Variants in ARHGAP35 observed in about 807,000 individuals in gnomAD.
ARHGAP35 encodes Rho GTPase activating protein 35.
Under a neutral mutation model 111.1 loss-of-function variants are expected in ARHGAP35, and 15 were observed. The ratio of observed to expected loss-of-function variants is 0.13; its 90% CI spans 0.09 to 0.21. ARHGAP35 has a LOEUF of 0.21. ARHGAP35 is among the 10% of genes least tolerant of loss of function. The pLI is 1.00. For missense variants in ARHGAP35, 1,262 were observed against 1,873.0 expected (o/e 0.67, Z 6.02); for synonymous variants, 643 against 710.3 (o/e 0.91, Z 1.51).
At chr19:46,954,619 G>C (rs1265855099) in intron 3 of ARHGAP35, among the ~76,000 whole-genome samples, 6 of 152,214 alleles carry the variant, frequency 3.9e-5, no homozygotes, top group Non-Finnish European at 8.8e-5. Flanking sequence ...AACAAAGATG[G>C]TGCAAGGCCT....
intron 3 of ARHGAP35, chr19:46,947,876 A>G (rs748339643): frequency 6.6e-6 from 1 of 152,186 alleles, no homozygotes; most frequent in African/African-American, 2.4e-5. Flanking sequence ...ACTTGCTTAT[A>G]TTTACTGGTT....
At chr19:46,871,076 T>C (rs1047613311) in intron 1 of ARHGAP35, among the ~76,000 whole-genome samples, 5 of 152,250 alleles carry the variant, frequency 3.3e-5, no homozygotes, top group African/African-American at 1.2e-4. Context: ...TTTCTAACTT[T>C]ACCCATCTGG....
intron 1 of ARHGAP35, among the ~76,000 whole-genome samples, chr19:46,865,094 A>G (rs561301683): frequency 6.6e-6 from 1 of 152,334 alleles, no homozygotes; most frequent in East Asian, 1.9e-4. Context: ...AGGCTAGCAG[A>G]GGCCCTAACT....
chr19:46,892,319 A>G (rs890657658), intron 1 of ARHGAP35, among the ~76,000 whole-genome samples: 1 of 146,316 alleles, frequency 6.8e-6, no homozygotes, highest in East Asian at 2.0e-4. Context: ...AAAAAAAAGA[A>G]AAAAAAAAAG....
intron 3 of ARHGAP35, among the ~76,000 whole-genome samples, chr19:46,984,228 C>G (rs1397923187): frequency 6.6e-6 from 1 of 152,120 alleles, no homozygotes; most frequent in Non-Finnish European, 1.5e-5. Flanking sequence ...GACTTGGGAG[C>G]CTGCAGTAGA....
chr19:46,959,941 A>AT lies in ARHGAP35; in HGVS notation c.3826+22533_3826+22534insT, dbSNP rs1568480058. ...AGCAAGACCTTGCCTCTACAAAAAA[A>AT]ATTTTTTTTTTTTTTTTAGTTAGCC... On this transcript the variant is annotated intron_variant, in intron 3 of 6. Coordinates refer to ENST00000672722, the MANE Select transcript of ARHGAP35 (RefSeq NM_004491.5). Among the ~76,000 whole-genome samples, 162 of 149,712 alleles carry AT rather than the reference A, an allele frequency of 1.1e-3. 1 individual carries two copies. Among genetic ancestry groups the AT allele is most frequent in the African/African-American group, 3.4e-3 (138 of 40,844 alleles).
At chr19:46,903,452 A>T (rs2056091321) in intron 1 of ARHGAP35, among the ~76,000 whole-genome samples, 1 of 152,150 alleles carries the variant, frequency 6.6e-6, no homozygotes, top group Non-Finnish European at 1.5e-5. Context: ...GGAGGGAACC[A>T]CTCAGTGGGT....
rs1029166106 is a variant in ARHGAP35, at chr19:46,920,293, C to T, written c.1618C>T (p.Arg540Cys). The part of the protein sequence containing the change: ...FKALQKLQAE[R>C]DALILKHIHF... Reference sequence around the variant, plus strand: ...AGCATTACAAAAGCTCCAAGCAGAGCGTGATGCCCTTATTCTGAAACACAT... The same window carrying T: ...AGCATTACAAAAGCTCCAAGCAGAGTGTGATGCCCTTATTCTGAAACACAT... The change falls in exon 2 of 7, where the codon CGT (arginine) becomes TGT (cysteine). Residue 540 changes from arginine to cysteine, a missense_variant. By Grantham distance (180) the Arg-to-Cys change is radical. Coordinates refer to ENST00000672722, the MANE Select transcript of ARHGAP35 (RefSeq NM_004491.5). The surrounding 1 kb of genome is among the most constrained non-coding windows in gnomAD (Gnocchi z 7.0). 1.2e-6 allele frequency: 2 copies of T among 1,613,988 alleles called. No homozygotes were observed. Among genetic ancestry groups the T allele is most frequent in the Non-Finnish European group, 1.7e-6 (2 of 1,179,898 alleles).
chr19:46,879,352 G>C (rs542036152), intron 1 of ARHGAP35, among the ~76,000 whole-genome samples: 36 of 152,166 alleles, frequency 2.4e-4, no homozygotes, highest in African/African-American at 8.4e-4. Flanking sequence ...ACTTAGGGAG[G>C]CCAAGGCAGG....
chr19:46,867,249 C>T (rs1230233413), intron 1 of ARHGAP35, among the ~76,000 whole-genome samples: 4 of 152,158 alleles, frequency 2.6e-5, no homozygotes, highest in East Asian at 1.9e-4. Context: ...TTTATTGAAA[C>T]GAACATTTTC....
At chr19:46,861,409 C>T (rs1196589632) in intron 1 of ARHGAP35, among the ~76,000 whole-genome samples, 200 bp downstream of exon 1, 2 of 140,772 alleles carry the variant, frequency 1.4e-5, no homozygotes, top group East Asian at 2.3e-4. Flanking sequence ...GCCCGTGGGG[C>T]CCTCCTGCCC....
intron 3 of ARHGAP35, among the ~76,000 whole-genome samples, chr19:46,939,003 C>T (rs1328379879): frequency 6.6e-6 from 1 of 152,038 alleles, no homozygotes; most frequent in Non-Finnish European, 1.5e-5. Flanking sequence ...GTATTTATTT[C>T]CTAGGTTTTC....
In ARHGAP35 at chr19:46,920,425, C is replaced by A; in HGVS notation, c.1750C>A (p.Arg584=). ...ISSRFIRPSD[R]NQKNSLSDPN... ...TTCTCGGTTTATCCGGCCGTCTGAC[C>A]GGAATCAGAAAAATTCACTCTCTGA... The change falls in exon 2 of 7, where the codon CGG becomes AGG. Residue 584 remains arginine (R), a synonymous_variant. Coordinates refer to ENST00000672722, the MANE Select transcript of ARHGAP35 (RefSeq NM_004491.5). The surrounding 1 kb of genome is among the most constrained non-coding windows in gnomAD (Gnocchi z 7.0). The A allele has an allele frequency of 6.2e-7, 1 of 1,613,678 alleles. No homozygotes were observed.
At position 46,999,102 on chromosome 19, in the gene ARHGAP35, G is replaced by A; in HGVS notation, c.4037-202G>A. 1 of 569,016 alleles carries A rather than the reference G, an allele frequency of 1.8e-6. No individual in the cohort carries two copies. The highest frequency in any genetic ancestry group is 1.9e-5 in the African/African-American group (1 of 53,570). 35.2% of individuals were successfully genotyped at this position (569,016 alleles called of 1,614,324 possible). On this transcript the variant is annotated intron_variant, in intron 5 of 6. Transcript: ENST00000672722. This position sits in a 1 kb window ranked among gnomAD's most constrained non-coding sequence, Gnocchi z 5.4. Reference sequence around the variant, plus strand: ...GTGCCGCCCTTCAGCGGGGGCCTGGGACACAGAGGTGGGCCAGACCCCTGG... The same window carrying A: ...GTGCCGCCCTTCAGCGGGGGCCTGGAACACAGAGGTGGGCCAGACCCCTGG...
At chr19:46,886,631 T>G (rs2122144048) in intron 1 of ARHGAP35, among the ~76,000 whole-genome samples, 1 of 152,220 alleles carries the variant, frequency 6.6e-6, no homozygotes, top group East Asian at 1.9e-4. Flanking sequence ...TTACTCAAGG[T>G]TGTTGTAGAT....
chr19:46,904,333 T>C (rs551763267), intron 1 of ARHGAP35, among the ~76,000 whole-genome samples: 5 of 152,214 alleles, frequency 3.3e-5, no homozygotes, highest in Non-Finnish European at 7.3e-5. Context: ...GAAGTTTTCT[T>C]AGTTGTTCAT....
At chr19:46,865,076 T>C (rs1054867114) in intron 1 of ARHGAP35, among the ~76,000 whole-genome samples, 2 of 152,214 alleles carry the variant, frequency 1.3e-5, no homozygotes, top group African/African-American at 4.8e-5. Flanking sequence ...GACTGTCAGA[T>C]TTCTCTGAGG....
At chr19:46,957,151 C>T (rs1462118893) in intron 3 of ARHGAP35, among the ~76,000 whole-genome samples, 3 of 151,758 alleles carry the variant, frequency 2.0e-5, no homozygotes, top group Non-Finnish European at 2.9e-5. Flanking sequence ...TTAATAGAGA[C>T]GGGGTTTCAC....
At chr19:46,957,628 C>A (rs1023255257) in intron 3 of ARHGAP35, among the ~76,000 whole-genome samples, 4 of 152,102 alleles carry the variant, frequency 2.6e-5, no homozygotes, top group African/African-American at 7.2e-5. Flanking sequence ...AAATAAATAA[C>A]TAAACTGTTA....
Sources: gnomAD v4.1 joint callset for allele counts (sites outside exome capture counted in the v4.1 genomes callset) on GRCh38, gnomAD v4.1.1 for gene constraint, Gnocchi (gnomAD v3.1) non-coding constraint, MANE v1.5 for transcripts, NCBI Gene and HGNC (gene_info 2026-07-23, HGNC 2026-07-21) for gene names.